LPP: variants seen among roughly 807,000 people sequenced by gnomAD.
LPP encodes the protein LIM domain containing preferred translocation partner in lipoma.
A neutral mutation model predicts 60.4 loss-of-function variants in LPP; 38 were observed. That is an observed-to-expected ratio of 0.63 (90% CI 0.49 to 0.83). The LOEUF (loss-of-function observed/expected upper bound fraction) is 0.83. Among genes scored for constraint, LPP ranks in the 40% least tolerant of loss-of-function variants. LPP has a pLI of 0.00. For missense variants in LPP, 902 were observed against 783.6 expected (o/e 1.15, Z -1.80); for synonymous variants, 328 against 290.8 (o/e 1.13, Z -1.30).
chr3:188,727,818 G>C (rs62291292), intron 8 of LPP, among the ~76,000 whole-genome samples: 8,552 of 152,176 alleles, frequency 0.056, 303 homozygotes, highest in Non-Finnish European at 0.085. Context: ...CCTTGTCCAA[G>C]GTTATACGGA....
chr3:188,278,605 G>C (rs1274012411), intron 2 of LPP, among the ~76,000 whole-genome samples: 1 of 152,030 alleles, frequency 6.6e-6, no homozygotes, highest in African/African-American at 2.4e-5. Context: ...TTTCCCGTCA[G>C]TGGTCTGGGG....
At position 188,884,174 on chromosome 3, in the gene LPP, T is replaced by C. The variant is rs1034093592; in HGVS notation, c.*9695T>C. ...CAGGGAGGACAGTTATTAGTACCCC[T>C]ATTCTAGAAGAGAAAGCTGAGGCTC... On this transcript the variant is annotated 3_prime_UTR_variant, in exon 12 of 12. Transcript: ENST00000617246. The C allele has an allele frequency of 1.8e-5, 4 of 227,318 alleles. No individual in the cohort carries two copies. The highest frequency in any genetic ancestry group is 1.1e-4 in the Admixed American group (2 of 17,560). The allele number at this position is 227,318 out of a possible 1,614,324, so 14.1% of individuals were successfully genotyped here.
intron 3 of LPP, among the ~76,000 whole-genome samples, chr3:188,368,719 C>CAGAG (rs374471455): frequency 1.7e-4 from 17 of 99,644 alleles, no homozygotes; most frequent in East Asian, 1.4e-3. Context: ...CACACACACA[C>CAGAG]AGAGAGAGAG....
intron 3 of LPP, among the ~76,000 whole-genome samples, chr3:188,342,305 G>A (rs778249773): frequency 2.0e-5 from 3 of 152,190 alleles, no homozygotes; most frequent in Non-Finnish European, 4.4e-5. Context: ...GTATCTGAAT[G>A]CCACTCTCCT....
intron 2 of LPP, among the ~76,000 whole-genome samples, chr3:188,249,888 TA>T: frequency 7.8e-6 from 1 of 128,112 alleles, no homozygotes; most frequent in Non-Finnish European, 1.6e-5. Context: ...CCACCCCATA[TA>T]TATATATATA....
chr3:188,679,580 G>A (rs1290735553), intron 7 of LPP, among the ~76,000 whole-genome samples: 1 of 150,158 alleles, frequency 6.7e-6, no homozygotes, highest in Non-Finnish European at 1.5e-5. Flanking sequence ...CGCATGTTTA[G>A]TTGCTGTTGA....
chr3:188,165,480 G>T (rs1287972478), intron 1 of LPP, among the ~76,000 whole-genome samples: 1 of 152,168 alleles, frequency 6.6e-6, no homozygotes, highest in Non-Finnish European at 1.5e-5. Flanking sequence ...TGAAAAATTA[G>T]AGTCATGAAG....
At chr3:188,666,563 C>T (rs952177235) in intron 7 of LPP, among the ~76,000 whole-genome samples, 3 of 152,202 alleles carry the variant, frequency 2.0e-5, no homozygotes, top group Admixed American at 6.5e-5. Context: ...GTATATCCTT[C>T]TTTGGGAAAT....
chr3:188,193,990 G>T (rs1003149032), intron 1 of LPP, among the ~76,000 whole-genome samples: 1 of 152,306 alleles, frequency 6.6e-6, no homozygotes, highest in African/African-American at 2.4e-5. Flanking sequence ...CCACTGACAT[G>T]CTGTGTTACA....
chr3:188,865,693 T>G (rs982872643), intron 9 of LPP, among the ~76,000 whole-genome samples: 2 of 150,020 alleles, frequency 1.3e-5, no homozygotes, highest in African/African-American at 4.9e-5. Flanking sequence ...GTTTTTTTTT[T>G]GTAAATAAAG....
chr3:188,498,126 C>T (rs901475632), intron 5 of LPP, among the ~76,000 whole-genome samples: 2 of 152,160 alleles, frequency 1.3e-5, no homozygotes, highest in African/African-American at 4.8e-5. Context: ...GCAGGCACAA[C>T]TCTTGATGAC....
intron 3 of LPP, among the ~76,000 whole-genome samples, chr3:188,374,757 G>A (rs1279821073): frequency 6.6e-6 from 1 of 152,124 alleles, no homozygotes; most frequent in Non-Finnish European, 1.5e-5. Context: ...AATAGGAGTG[G>A]GGAGAGAGGG....
chr3:188,451,115 A>G (rs1276922136), intron 4 of LPP, among the ~76,000 whole-genome samples: 1 of 152,044 alleles, frequency 6.6e-6, no homozygotes, highest in Non-Finnish European at 1.5e-5. Flanking sequence ...GTAAAGCATT[A>G]GGATTCTTGT....
rs976157969 is a variant in LPP at position 188,883,045 on chromosome 3, T to C, written c.*8566T>C. On this transcript the variant is annotated 3_prime_UTR_variant, in exon 12 of 12. Transcript: ENST00000617246. ...CCTGTATCAGGGAGCTCATTATTCC[T>C]TGAGGTCTTACATTTCTTTCAGCAC... 1.5e-5 allele frequency: 3 copies of C among 202,914 alleles called. No individual in the cohort carries two copies. Among genetic ancestry groups the C allele is most frequent in the Non-Finnish European group, 3.0e-5 (3 of 99,194 alleles). The allele number at this position is 202,914 out of a possible 1,614,324, so 12.6% of individuals were successfully genotyped here. A position where few individuals can be genotyped will look rare whatever the true frequency, so the allele number is the denominator to read the frequency against.
intron 6 of LPP, among the ~76,000 whole-genome samples, chr3:188,600,808 G>T (rs544445847): frequency 1.3e-5 from 2 of 150,384 alleles, no homozygotes; most frequent in East Asian, 3.9e-4. Context: ...TATGGTATTT[G>T]TTTTTTGTTT....
intron 5 of LPP, among the ~76,000 whole-genome samples, chr3:188,497,708 T>A (rs1441624104): frequency 6.6e-6 from 1 of 151,148 alleles, no homozygotes; most frequent in African/African-American, 2.4e-5. Flanking sequence ...ACCAGAAGAG[T>A]TTTTCACTGT....
At chr3:188,654,994 A>G (rs894863709) in intron 7 of LPP, among the ~76,000 whole-genome samples, 1 of 152,244 alleles carries the variant, frequency 6.6e-6, no homozygotes, top group African/African-American at 2.4e-5. Context: ...AATAATTTAT[A>G]TGGAACAAAC....
At chr3:188,485,905 AT>A (rs1251224276) in intron 5 of LPP, among the ~76,000 whole-genome samples, 1 of 151,476 alleles carries the variant, frequency 6.6e-6, no homozygotes, top group Non-Finnish European at 1.5e-5. Context: ...TTATGATTTG[AT>A]AACTGTTGGG....
At chr3:188,431,914 C>T (rs952071351) in intron 4 of LPP, among the ~76,000 whole-genome samples, 2 of 152,146 alleles carry the variant, frequency 1.3e-5, no homozygotes, top group African/African-American at 4.8e-5. Flanking sequence ...GCAGTCTGTA[C>T]GCCCTCAGTA....
Sources: gnomAD v4.1 joint callset for allele counts (sites outside exome capture counted in the v4.1 genomes callset) on GRCh38, gnomAD v4.1.1 for gene constraint, MANE v1.5 for transcripts, NCBI Gene and HGNC (gene_info 2026-07-23, HGNC 2026-07-21) for gene names.